CLUH: variants seen among roughly 807,000 people sequenced by gnomAD.
The protein encoded by CLUH is clustered mitochondria protein homolog.
A neutral mutation model predicts 139.3 loss-of-function variants in CLUH; 77 were observed. The observed-to-expected ratio is 0.55, with a 90% CI of 0.46 to 0.67. The LOEUF (loss-of-function observed/expected upper bound fraction) is 0.67, where lower values mean the gene tolerates loss of function less well. CLUH is among the 30% of genes least tolerant of loss of function. The pLI is 0.00. For synonymous variants in CLUH, 999 were observed against 801.6 expected (o/e 1.25, Z -4.16); for missense variants, 1,876 against 1,875.8 (o/e 1.00, Z 0.00).
chr17:2,710,903 C>T (rs1006914516), intron 1 of CLUH: 1 of 152,540 alleles, frequency 6.6e-6, no homozygotes, highest in Non-Finnish European at 1.5e-5. Context: ...GAGTTTGGCT[C>T]TGCCCCATGC....
chr17:2,702,477 A>G (rs1030194147), intron 3 of CLUH, among the ~76,000 whole-genome samples: 5 of 152,324 alleles, frequency 3.3e-5, no homozygotes, highest in East Asian at 3.9e-4. Context: ...AAGGCCCCCA[A>G]TGTCAACACT....
rs777773386 is a variant in CLUH, at chr17:2,696,823, T to A, written c.2081A>T (p.Asp694Val). The change falls in exon 11 of 26, where the codon GAT becomes GTT. Residue 694 changes from aspartate to valine, a missense_variant. Around this residue, in one of 3 missense-constraint regions of CLUH, gnomAD observed 1,454 missense variants for 1,384.4 expected, o/e 1.05. Transcript: ENST00000651024. ...GPSSLESKSE[D>V]PPGQEAGSEE... ...ACTTCCCGCCTCCTGTCCTGGAGGATCCTCAGACTTGGACTCCAAGGAGGA... is the reference window on the plus strand; with the variant it reads ...ACTTCCCGCCTCCTGTCCTGGAGGAACCTCAGACTTGGACTCCAAGGAGGA... 2 of 1,613,534 alleles carry A rather than the reference T, an allele frequency of 1.2e-6. No homozygotes were observed. The highest frequency in any genetic ancestry group is 4.5e-5 in the East Asian group (2 of 44,866).
intron 16 of CLUH, 36 bp downstream of exon 16, chr17:2,694,821 A>AAACCCCCCC: frequency 3.5e-5 from 50 of 1,446,302 alleles, no homozygotes; most frequent in Non-Finnish European, 4.1e-5. Flanking sequence ...CATCTGCCCA[A>AAACCCCCCC]TCCCACCCAC....
At chr17:2,709,267 C>T (rs1055905556) in intron 1 of CLUH, among the ~76,000 whole-genome samples, 10 of 152,092 alleles carry the variant, frequency 6.6e-5, no homozygotes, top group African/African-American at 2.2e-4. Context: ...AAGTAGGGTC[C>T]GAAAAGGTGC....
rs1035298495 is a variant in CLUH at position 2,711,646 on chromosome 17, C to T, written c.16G>A (p.Asp6Asn). MVIKT[D>N]ELPAAAPADS... ...GCCGGGGCGGCCGCCGGCAACTCGT[C>T]CGTCTTGATAACCATGGTGGCGGGA... The change falls in exon 1 of 26, where the codon GAC becomes AAC. Residue 6 changes from aspartate to asparagine, a missense_variant. Coordinates refer to ENST00000651024, the MANE Select transcript of CLUH (RefSeq NM_001366661.1). 79 of 984,694 alleles carry T rather than the reference C, an allele frequency of 8.0e-5. 1 individual carries two copies. The African/African-American group carries it at 1.3e-3, about 16-fold the overall frequency. The allele number at this position is 984,694 out of a possible 1,614,324, so 61.0% of individuals were successfully genotyped here.
At position 2,707,301 on chromosome 17, in the gene CLUH, C is replaced by T. The variant is rs575392977; in HGVS notation, c.101-2737G>A. Reference sequence around the variant, plus strand: ...CCTTGTTCCAGCCTCTGCCGCTACCCTTGCCCTAATGCAGCCAGTCGGCCC... The same window carrying T: ...CCTTGTTCCAGCCTCTGCCGCTACCTTTGCCCTAATGCAGCCAGTCGGCCC... On this transcript the variant is annotated intron_variant, in intron 1 of 25. Transcript: ENST00000651024. The surrounding 1 kb of genome is among the most constrained non-coding windows in gnomAD (Gnocchi z 7.4). 2.0e-6 allele frequency: 2 copies of T among 985,454 alleles called. No individual in the cohort carries two copies. The highest frequency in any genetic ancestry group is 3.5e-5 in the African/African-American group (2 of 57,362). The allele number at this position is 985,454 out of a possible 1,614,324, so 61.0% of individuals were successfully genotyped here.
chr17:2,692,132 C>T (rs1453232127), intron 22 of CLUH, 35 bp from the exon 23 acceptor site: 5 of 1,560,358 alleles, frequency 3.2e-6, no homozygotes, highest in Non-Finnish European at 4.3e-6. Context: ...GAGGGAAGGG[C>T]ATAAGTGGGC....
In CLUH at chr17:2,696,175, C is replaced by G; in HGVS notation, c.2375G>C (p.Cys792Ser). ...CTCCCTCACCAAGCCAGGGATCTGG[C>G]AGGAGAGCAGGAAGGCAGCCGCGTC... Reference protein sequence around the residue: ...LKDAAAFLLSCQIPGLVKDCM... With the variant: ...LKDAAAFLLSSQIPGLVKDCM... The change falls in exon 13 of 26, where the codon TGC (cysteine) becomes TCC (serine). Residue 792 changes from cysteine (C) to serine (S), a missense_variant. Cys to Ser is a moderately radical substitution (Grantham distance 112, BLOSUM62 -1). Transcript: ENST00000651024. The G allele has an allele frequency of 6.4e-7, 1 of 1,563,444 alleles. No homozygotes were observed. The highest frequency in any genetic ancestry group is 1.2e-5 in the South Asian group (1 of 84,702).
intron 9 of CLUH, 75 bp from the exon 10 acceptor site, chr17:2,698,665 A>G: frequency 7.3e-7 from 1 of 1,371,308 alleles, no homozygotes; most frequent in South Asian, 1.5e-5. Context: ...AAGCGCACGC[A>G]CCTAGACCGC....
chr17:2,698,005 G>A lies in CLUH; in HGVS notation c.1852C>T (p.Pro618Ser), dbSNP rs1350544748. Residue 618 changes from proline to serine, a missense_variant, in exon 10 of 26, where the codon CCT becomes TCT. By Grantham distance (74) the Pro-to-Ser change is moderately conservative (BLOSUM62 -1). Coordinates refer to ENST00000651024, the MANE Select transcript of CLUH (RefSeq NM_001366661.1). The part of the protein sequence containing the change: ...FPPDLNFLPV[P>S]GEELPEECAR... ...CATTCCTCAGGCAGCTCCTCGCCAG[G>A]CACGGGCAGGAAGTTGAGGTCCGGG... 4 of 1,600,250 alleles carry A rather than the reference G, an allele frequency of 2.5e-6. No homozygotes were observed. Among genetic ancestry groups the A allele is most frequent in the Non-Finnish European group, 3.4e-6 (4 of 1,177,588 alleles).
chr17:2,698,221 C>T lies in CLUH; in HGVS notation c.1636G>A (p.Gly546Ser), dbSNP rs541969235. ...CGCGGGTGTGACACCACGGTCTTGCCGAAGTCGATGGAGCCGTAGATGACG... is the reference window on the plus strand; with the variant it reads ...CGCGGGTGTGACACCACGGTCTTGCTGAAGTCGATGGAGCCGTAGATGACG... ...QSVIYGSIDFGKTVVSHPRYL... is the reference protein window; with the variant it reads ...QSVIYGSIDFSKTVVSHPRYL... Residue 546 changes from glycine (G) to serine (S), a missense_variant, in exon 10 of 26, where the codon GGC (glycine) becomes AGC (serine). This residue lies in a region of CLUH where 1,454 missense variants were observed against 1,384.4 expected (regional missense o/e 1.05). Coordinates refer to ENST00000651024, the MANE Select transcript of CLUH (RefSeq NM_001366661.1). 4 of 1,587,084 alleles carry T rather than the reference C, an allele frequency of 2.5e-6. No homozygotes were observed. Among genetic ancestry groups the T allele is most frequent in the East Asian group, 2.3e-5 (1 of 43,150 alleles).
At chr17:2,701,336 G>T (rs1391007065) in intron 6 of CLUH, 30 bp downstream of exon 6, 5 of 1,605,132 alleles carry the variant, frequency 3.1e-6, no homozygotes, top group Admixed American at 1.7e-5. Context: ...TGGCACGGCA[G>T]GGGGGTGTGG....
intron 9 of CLUH, 23 bp from the exon 10 acceptor site, chr17:2,698,613 G>C: frequency 1.5e-5 from 23 of 1,555,772 alleles, no homozygotes; most frequent in Non-Finnish European, 2.0e-5. Context: ...GAGGAGGGCA[G>C]GGTTAGAGGC....
chr17:2,690,270 T>C lies in CLUH; in HGVS notation c.*324A>G, dbSNP rs2069569863. The C allele has an allele frequency of 9.5e-6, 3 of 316,282 alleles. No individual in the cohort carries two copies. The highest frequency in any genetic ancestry group is 1.0e-4 in the South Asian group (1 of 9,640). The allele number at this position is 316,282 out of a possible 1,614,324, so 19.6% of individuals were successfully genotyped here. On this transcript the variant is annotated 3_prime_UTR_variant, in exon 26 of 26. Transcript: ENST00000651024. ...TACAGGGGAGAGGAACGGTCAACACTCACAGCCAGGGGCGCACTCGCACAC... is the reference window on the plus strand; with the variant it reads ...TACAGGGGAGAGGAACGGTCAACACCCACAGCCAGGGGCGCACTCGCACAC...
Position 2,693,957 on chromosome 17 carries a change from G to T in CLUH, c.3174C>A (p.Thr1058=). The T allele has an allele frequency of 6.2e-7, 1 of 1,613,836 alleles. No homozygotes were observed. Among genetic ancestry groups the T allele is most frequent in the Non-Finnish European group, 8.5e-7 (1 of 1,179,868 alleles). Residue 1058 remains threonine, a synonymous_variant, in exon 19 of 26, where the codon ACC becomes ACA. Transcript: ENST00000651024. ...NNVYGAMHVE[T]CACLRLLARL... ...GGGCGAGGAGGCGCAGGCAGGCGCA[G>T]GTCTCCACGTGCATGGCTCCGTAGA...
intron 9 of CLUH, among the ~76,000 whole-genome samples, chr17:2,700,103 G>A (rs1229528327): frequency 6.6e-6 from 1 of 152,264 alleles, no homozygotes; most frequent in Non-Finnish European, 1.5e-5. Flanking sequence ...GTCACAGAGG[G>A]CGGGAAGCTG....
rs2069952981 is a variant in CLUH, at chr17:2,696,533, G to A, written c.2191C>T (p.Pro731Ser). The A allele has an allele frequency of 6.4e-7, 1 of 1,567,618 alleles. No homozygotes were observed. Among genetic ancestry groups the A allele is most frequent in the South Asian group, 1.2e-5 (1 of 85,906 alleles). ...TIAADDGTAD[P>S]RSREVIRNAC... ...TTGCGGATCACCTCCCGGCTCCGAG[G>A]GTCTGCTGTGGAGACATGGCTCCAT... The change falls in exon 12 of 26, where the codon CCT becomes TCT. Residue 731 changes from proline (P) to serine (S), a missense_variant. By Grantham distance (74) the Pro-to-Ser change is moderately conservative. Transcript: ENST00000651024.
intron 1 of CLUH, among the ~76,000 whole-genome samples, chr17:2,708,821 G>A (rs1278868614): frequency 1.3e-5 from 2 of 150,516 alleles, no homozygotes; most frequent in Non-Finnish European, 3.0e-5. Context: ...CCCACAGGTA[G>A]GCTGCACCTG....
In CLUH at chr17:2,706,583, G is replaced by A. The variant is rs968907035; in HGVS notation, c.101-2019C>T. Among the ~76,000 whole-genome samples, 3 of 152,238 alleles carry A rather than the reference G, an allele frequency of 2.0e-5. No individual in the cohort carries two copies. Among genetic ancestry groups the A allele is most frequent in the African/African-American group, 2.4e-5 (1 of 41,550 alleles). ...AAGACCTCCCTTCCAGGATCCAACCGCCCCAGGAAGGGCACCCCCAATCCC... is the reference window on the plus strand; with the variant it reads ...AAGACCTCCCTTCCAGGATCCAACCACCCCAGGAAGGGCACCCCCAATCCC... On this transcript the variant is annotated intron_variant, in intron 1 of 25. Transcript: ENST00000651024. The surrounding 1 kb of genome is among the most constrained non-coding windows in gnomAD (Gnocchi z 4.6).
Sources: gnomAD v4.1 joint callset for allele counts (sites outside exome capture counted in the v4.1 genomes callset) on GRCh38, gnomAD v4.1.1 for gene constraint, gnomAD v4.1.1 regional missense constraint, Gnocchi (gnomAD v3.1) non-coding constraint, MANE v1.5 for transcripts, NCBI Gene and HGNC (gene_info 2026-07-23, HGNC 2026-07-21) for gene names.